Variants in RFX3 observed in about 807,000 individuals in gnomAD.
RFX3 encodes transcription factor RFX3.
RFX3 carries 14 observed loss-of-function variants against 98.6 expected under a neutral mutation model. The observed-to-expected ratio is 0.14, with a 90% CI of 0.09 to 0.22. The LOEUF is 0.22. Among genes scored for constraint, RFX3 ranks in the 10% least tolerant of loss-of-function variants. The pLI is 1.00. For missense variants in RFX3, 639 were observed against 926.9 expected (o/e 0.69, Z 4.03); for synonymous variants, 383 against 328.4 (o/e 1.17, Z -1.80).
chr9:3,268,610 A>C (rs1346581521), intron 11 of RFX3, among the ~76,000 whole-genome samples: 1 of 151,918 alleles, frequency 6.6e-6, no homozygotes, highest in Non-Finnish European at 1.5e-5. Flanking sequence ...AGACTACAAA[A>C]CTATTCGGGT....
In RFX3 at chr9:3,265,280, T is replaced by C. The variant is rs547596478; in HGVS notation, c.1455+928A>G. On this transcript the variant is annotated intron_variant, in intron 12 of 16. Transcript: ENST00000617270. The stretch of plus-strand genomic sequence containing the variant: ...GGCTGGCCCTACTGTGAAAGCACAT[T>C]TCTAGAGGAACAATCTAATATGGGC... Among the ~76,000 whole-genome samples, 3 of 152,312 alleles carry C rather than the reference T, an allele frequency of 2.0e-5. No individual in the cohort carries two copies. In the East Asian group the frequency reaches 5.8e-4, roughly 29 times the overall value.
chr9:3,512,387 A>C (rs890066840), intron 1 of RFX3, among the ~76,000 whole-genome samples: 2 of 152,000 alleles, frequency 1.3e-5, no homozygotes, highest in Non-Finnish European at 2.9e-5. Context: ...ATGTTCCAAA[A>C]TATAAAATGT....
chr9:3,407,177 C>T (rs563771693), intron 1 of RFX3, among the ~76,000 whole-genome samples: 4 of 152,226 alleles, frequency 2.6e-5, no homozygotes, highest in Non-Finnish European at 4.4e-5. Flanking sequence ...CGTTAATTAA[C>T]CACTTGAAAT....
At position 3,336,261 on chromosome 9, in the gene RFX3, A is replaced by C. The variant is rs556159106; in HGVS notation, c.216-5744T>G. 5.9e-5 allele frequency among the ~76,000 whole-genome samples: 9 copies of C among 152,318 alleles called. No homozygotes were observed. In the South Asian group the frequency reaches 1.9e-3, roughly 32 times the overall value. ...ACATTCTTTTAACAAATATTTAATA[A>C]GCATCTATTCTAGCACCTAGAATAA... On this transcript the variant is annotated intron_variant, in intron 3 of 16. Coordinates refer to ENST00000617270, the MANE Select transcript of RFX3 (RefSeq NM_001282116.2).
chr9:3,277,873 C>T (rs1825441538), intron 7 of RFX3, among the ~76,000 whole-genome samples: 1 of 151,878 alleles, frequency 6.6e-6, no homozygotes, highest in African/African-American at 2.4e-5. Flanking sequence ...TGATGAATGG[C>T]TTTCAATTAG....
intron 11 of RFX3, among the ~76,000 whole-genome samples, chr9:3,267,932 C>CA (rs928420548): frequency 6.6e-6 from 1 of 151,726 alleles, no homozygotes; most frequent in Non-Finnish European, 1.5e-5. Context: ...AAATAACCCC[C>CA]AAATCTATAA....
At chr9:3,328,799 T>C (rs2130860247) in intron 4 of RFX3, among the ~76,000 whole-genome samples, 1 of 152,292 alleles carries the variant, frequency 6.6e-6, no homozygotes, top group East Asian at 1.9e-4. Context: ...ATCCATAAAA[T>C]GAGAAATATA....
At chr9:3,293,830 C>A (rs778284840) in intron 5 of RFX3, among the ~76,000 whole-genome samples, 1 of 152,060 alleles carries the variant, frequency 6.6e-6, no homozygotes, top group Non-Finnish European at 1.5e-5. Flanking sequence ...AAAATTCAGT[C>A]GTTTCTTCCC....
intron 15 of RFX3, among the ~76,000 whole-genome samples, chr9:3,231,224 T>G (rs539496013): frequency 2.2e-4 from 34 of 152,022 alleles, no homozygotes; most frequent in Admixed American, 9.8e-4. Context: ...ATAGAGAGAG[T>G]AGATTAAAAA....
rs546550525 is a variant in RFX3, at chr9:3,341,752, C to A, written c.215+4915G>T. 4.6e-5 allele frequency among the ~76,000 whole-genome samples: 7 copies of A among 152,310 alleles called. No homozygotes were observed. The East Asian group carries it at 1.4e-3, about 29-fold the overall frequency. On this transcript the variant is annotated intron_variant, in intron 3 of 16. Transcript: ENST00000617270. ...GCAGTCCTCTCTCCAAAAGAAATTT[C>A]TATGTAACCAGACATATACAATTAC...
chr9:3,227,320 G>C (rs10511445), intron 16 of RFX3, among the ~76,000 whole-genome samples: 1,618 of 152,258 alleles, frequency 0.011, 25 homozygotes, highest in Non-Finnish European at 0.012. Flanking sequence ...GTTCCAGGTA[G>C]GTTTTGCTTA....
intron 1 of RFX3, among the ~76,000 whole-genome samples, chr9:3,485,923 G>A (rs911474094): frequency 2.6e-5 from 4 of 151,814 alleles, no homozygotes; most frequent in East Asian, 1.9e-4. Context: ...TCGGGAGTTC[G>A]AGACCAGCCT....
chr9:3,248,002 G>A, intron 15 of RFX3, 30 bp downstream of exon 15: 1 of 1,614,026 alleles, frequency 6.2e-7, no homozygotes, highest in Non-Finnish European at 8.5e-7. Context: ...TAATAACCCA[G>A]TGGGTCACAG....
At chr9:3,312,670 G>C (rs186936461) in intron 4 of RFX3, among the ~76,000 whole-genome samples, 7 of 152,160 alleles carry the variant, frequency 4.6e-5, no homozygotes, top group African/African-American at 1.7e-4. Context: ...CAGAAGACGG[G>C]TGATTTCTGC....
chr9:3,314,377 G>C (rs549284255), intron 4 of RFX3, among the ~76,000 whole-genome samples: 1 of 152,276 alleles, frequency 6.6e-6, no homozygotes, highest in African/African-American at 2.4e-5. Context: ...AGGAAGCACT[G>C]AACATGGAAA....
intron 1 of RFX3, among the ~76,000 whole-genome samples, 172 bp downstream of exon 1, chr9:3,525,575 C>A (rs1035726823): frequency 1.3e-5 from 2 of 152,000 alleles, no homozygotes; most frequent in Admixed American, 1.3e-4. Flanking sequence ...TAAACAAGCC[C>A]GGGGAACAGA....
At chr9:3,413,537 CA>C (rs1326982048) in intron 1 of RFX3, among the ~76,000 whole-genome samples, 1 of 152,004 alleles carries the variant, frequency 6.6e-6, no homozygotes, top group African/African-American at 2.4e-5. Flanking sequence ...TTTAACTTAA[CA>C]AGACAATACA....
chr9:3,372,550 C>CTTTTTTTTT (rs553629010), intron 2 of RFX3, among the ~76,000 whole-genome samples: 2 of 135,666 alleles, frequency 1.5e-5, no homozygotes, highest in Non-Finnish European at 3.3e-5. Flanking sequence ...TTCTTTCTTT[C>CTTTTTTTTT]TTTTTTTTTT....
At chr9:3,410,130 G>C (rs140910571) in intron 1 of RFX3, among the ~76,000 whole-genome samples, 5 of 145,982 alleles carry the variant, frequency 3.4e-5, no homozygotes, top group African/African-American at 7.6e-5. Context: ...CTCTGTTTCA[G>C]GGTGTTTAAC....
Sources: gnomAD v4.1 joint callset for allele counts (sites outside exome capture counted in the v4.1 genomes callset) on GRCh38, gnomAD v4.1.1 for gene constraint, MANE v1.5 for transcripts, NCBI Gene and HGNC (gene_info 2026-07-23, HGNC 2026-07-21) for gene names.